SLC25A12: variants seen among roughly 807,000 people sequenced by gnomAD.
SLC25A12 encodes the protein electrogenic aspartate/glutamate antiporter SLC25A12, mitochondrial.
Under a neutral mutation model 83.3 loss-of-function variants are expected in SLC25A12, and 32 were observed. The ratio of observed to expected loss-of-function variants is 0.38; its 90% confidence interval spans 0.29 to 0.52. The LOEUF is 0.52. Among genes scored for constraint, SLC25A12 ranks in the 20% least tolerant of loss-of-function variants. The pLI, the probability that SLC25A12 is intolerant of heterozygous loss-of-function variation, is 0.84. For synonymous variants in SLC25A12, 267 were observed against 291.1 expected (o/e 0.92, Z 0.84); for missense variants, 611 against 835.6 (o/e 0.73, Z 3.31).
intron 2 of SLC25A12, among the ~76,000 whole-genome samples, chr2:171,887,609 T>C (rs1685846657): frequency 6.6e-6 from 1 of 152,224 alleles, no homozygotes. Context: ...ACCTTCTTCT[T>C]CACTGCTTCT....
At chr2:171,838,027 C>T (rs1168149260) in intron 5 of SLC25A12, among the ~76,000 whole-genome samples, 1 of 152,142 alleles carries the variant, frequency 6.6e-6, no homozygotes, top group African/African-American at 2.4e-5. Context: ...ATACAAAAGT[C>T]AAAATCAGAG....
intron 6 of SLC25A12, among the ~76,000 whole-genome samples, chr2:171,836,029 C>T (rs1684548885): frequency 1.3e-5 from 2 of 152,188 alleles, no homozygotes; most frequent in East Asian, 1.9e-4. Flanking sequence ...GGTACTGAGC[C>T]CCTCCCTCTA....
At chr2:171,844,917 T>C (rs1684761021) in intron 4 of SLC25A12, among the ~76,000 whole-genome samples, 1 of 152,180 alleles carries the variant, frequency 6.6e-6, no homozygotes. Context: ...ATGCAATATT[T>C]GTCATACTAA....
intron 9 of SLC25A12, among the ~76,000 whole-genome samples, chr2:171,817,130 C>T (rs1373359766): frequency 6.6e-6 from 1 of 152,180 alleles, no homozygotes; most frequent in Non-Finnish European, 1.5e-5. Flanking sequence ...CGGCCAGCAC[C>T]TTGATCTTGT....
intron 2 of SLC25A12, among the ~76,000 whole-genome samples, chr2:171,871,510 C>T (rs55956550): frequency 2.0e-4 from 31 of 151,948 alleles, no homozygotes; most frequent in Non-Finnish European, 3.7e-4. Context: ...TTAGTAGAGA[C>T]GGGTTTCACC....
At position 171,820,208 on chromosome 2, in the gene SLC25A12, C is replaced by A. The variant is rs1283469955; in HGVS notation, c.931-5006G>T. 3.3e-5 allele frequency among the ~76,000 whole-genome samples: 5 copies of A among 152,152 alleles called. No homozygotes were observed. In the South Asian group the frequency reaches 6.2e-4, roughly 19 times the overall value. On this transcript the variant is annotated intron_variant, in intron 9 of 17. Coordinates refer to ENST00000422440, the MANE Select transcript of SLC25A12 (RefSeq NM_003705.5). ...CCTATGTAACAAACCTTCACATGTA[C>A]CCCCAAACTTAAAAGTTAAAATAAT... is the stretch of plus-strand genomic sequence containing the variant.
intron 2 of SLC25A12, among the ~76,000 whole-genome samples, chr2:171,888,146 G>A (rs1441916601): frequency 2.0e-5 from 3 of 146,794 alleles, no homozygotes; most frequent in African/African-American, 7.6e-5. Context: ...CCATGCTGGA[G>A]TGCAGTGGTA....
At chr2:171,835,715 A>G (rs62182376) in intron 6 of SLC25A12, among the ~76,000 whole-genome samples, 204 of 152,374 alleles carry the variant, frequency 1.3e-3, no homozygotes, top group Non-Finnish European at 2.5e-3. Context: ...GCTTATGTAA[A>G]TATCAATGTA....
chr2:171,881,010 TAG>T (rs540447977), intron 2 of SLC25A12, among the ~76,000 whole-genome samples: 151 of 152,374 alleles, frequency 9.9e-4, no homozygotes, highest in Middle Eastern at 3.4e-3. Flanking sequence ...TCCTACCTTA[TAG>T]AGTTGTTCTG....
At chr2:171,890,537 A>G (rs149498472) in intron 2 of SLC25A12, among the ~76,000 whole-genome samples, 2,845 of 152,026 alleles carry the variant, frequency 0.019, 57 homozygotes, top group Admixed American at 0.067. Flanking sequence ...GCTGGAGTGC[A>G]GTGGTATGAT....
chr2:171,837,253 T>G lies in SLC25A12; in HGVS notation c.480A>C (p.Glu160Asp). ...FTQFLQELQL[E>D]HARQAFALKD... is the part of the protein sequence containing the mutation. Reference sequence around the variant, plus strand: ...TGAGTGCAAAGGCTTGTCTTGCATGTTCCAATTGCAGCTCCTGTGAGGAAA... The same window carrying G: ...TGAGTGCAAAGGCTTGTCTTGCATGGTCCAATTGCAGCTCCTGTGAGGAAA... The change falls in exon 6 of 18, where the codon GAA becomes GAC. Residue 160 changes from glutamate to aspartate, a missense_variant. Glu to Asp is a conservative substitution (Grantham distance 45). Around this residue, in one of 3 missense-constraint regions of SLC25A12, gnomAD observed 540 missense variants for 777.5 expected, o/e 0.69. Coordinates refer to ENST00000422440, the MANE Select transcript of SLC25A12 (RefSeq NM_003705.5). The G allele has an allele frequency of 6.2e-7, 1 of 1,614,110 alleles. No homozygotes were observed. The highest frequency in any genetic ancestry group is 8.5e-7 in the Non-Finnish European group (1 of 1,179,976).
rs193131142 is a variant in SLC25A12, at chr2:171,846,762, C to A, written c.326-2254G>T. ...CGGAGGTTGCAGTGAGCCAAGATTG[C>A]GCCACTGCACTCCAGCCTGGGTGAC... On this transcript the variant is annotated intron_variant, in intron 4 of 17. Coordinates refer to ENST00000422440, the MANE Select transcript of SLC25A12 (RefSeq NM_003705.5). 1.2e-4 allele frequency among the ~76,000 whole-genome samples: 18 copies of A among 152,124 alleles called. No individual in the cohort carries two copies. The South Asian group carries it at 3.5e-3, about 30-fold the overall frequency.
At chr2:171,857,402 A>G (rs1685069420) in intron 3 of SLC25A12, among the ~76,000 whole-genome samples, 2 of 148,762 alleles carry the variant, frequency 1.3e-5, no homozygotes, top group Non-Finnish European at 3.0e-5. Flanking sequence ...AAACTTTTAG[A>G]GGCAGGGCAC....
chr2:171,826,339 G>A (rs1684299689), intron 9 of SLC25A12, among the ~76,000 whole-genome samples: 2 of 152,222 alleles, frequency 1.3e-5, no homozygotes, highest in Admixed American at 1.3e-4. Flanking sequence ...TGGGTGTGGT[G>A]GCTCATGCCT....
At chr2:171,785,897 A>G (rs369924943) in intron 17 of SLC25A12, among the ~76,000 whole-genome samples, 6 of 152,138 alleles carry the variant, frequency 3.9e-5, no homozygotes, top group African/African-American at 1.4e-4. Context: ...GGCCTCCCAG[A>G]GCACTGGGAG....
At chr2:171,844,581 GA>G in intron 4 of SLC25A12, 73 bp from the exon 5 acceptor site, 3 of 1,084,850 alleles carry the variant, frequency 2.8e-6, no homozygotes, top group South Asian at 1.4e-5. Flanking sequence ...TGTTCCTACA[GA>G]AAAAAATTAA....
At position 171,834,863 on chromosome 2, in the gene SLC25A12, T is replaced by C; in HGVS notation, c.615A>G (p.Ala205=). 6.2e-7 allele frequency: 1 copy of C among 1,613,728 alleles called. No individual in the cohort carries two copies. The highest frequency in any genetic ancestry group is 8.5e-7 in the Non-Finnish European group (1 of 1,179,852). Residue 205 remains alanine, a splice_region_variant and synonymous_variant, in exon 7 of 18, where the codon GCA becomes GCG. Coordinates refer to ENST00000422440, the MANE Select transcript of SLC25A12 (RefSeq NM_003705.5). The part of the protein sequence containing the change: ...TPFVEENLVS[A]AGGSISHQVS... ...CCTGGTGTGAGATACTTCCTCCAGC[T>C]GCCTAGAAAATGACAACACAAAAAG...
In SLC25A12 at chr2:171,805,276, T is replaced by C. The variant is rs1412715041; in HGVS notation, c.1305+4330A>G. 3.9e-5 allele frequency among the ~76,000 whole-genome samples: 6 copies of C among 152,060 alleles called. No individual in the cohort carries two copies. The East Asian group carries it at 1.2e-3, about 29-fold the overall frequency. On this transcript the variant is annotated intron_variant, in intron 13 of 17. Transcript: ENST00000422440. ...GGAACGCGCCACTTCACCTGGCTAA[T>C]TTTTTTGTATTTTCAGTAGAGACGG...
At chr2:171,860,195 A>G (rs2105909482) in intron 3 of SLC25A12, among the ~76,000 whole-genome samples, 1 of 152,344 alleles carries the variant, frequency 6.6e-6, no homozygotes, top group South Asian at 2.1e-4. Flanking sequence ...AAGTCACTTG[A>G]GGTTACCTAG....
Sources: gnomAD v4.1 joint callset for allele counts (sites outside exome capture counted in the v4.1 genomes callset) on GRCh38, gnomAD v4.1.1 for gene constraint, gnomAD v4.1.1 regional missense constraint, MANE v1.5 for transcripts, NCBI Gene and HGNC (gene_info 2026-07-23, HGNC 2026-07-21) for gene names.